HTR7: variants seen among roughly 807,000 people sequenced by gnomAD.
HTR7 encodes the protein 5-hydroxytryptamine receptor 7, also known as 5-HT-7.
In HTR7, 16 loss-of-function variants were observed where a neutral mutation model predicts 34.0. The observed-to-expected ratio is 0.47, with a 90% confidence interval of 0.32 to 0.71. The LOEUF (loss-of-function observed/expected upper bound fraction) is 0.71. Among genes scored for constraint, HTR7 ranks in the 30% least tolerant of loss-of-function variants. The pLI, the probability that HTR7 is intolerant of heterozygous loss-of-function variation, is 0.04. For missense variants in HTR7, 504 were observed against 625.5 expected (o/e 0.81, Z 2.07); for synonymous variants, 265 against 260.2 (o/e 1.02, Z -0.18).
In HTR7 at chr10:90,857,285, C is replaced by G; in HGVS notation, c.387G>C (p.Ser129=). The G allele has an allele frequency of 6.2e-7, 1 of 1,614,174 alleles. No individual in the cohort carries two copies. The change falls in exon 1 of 4, where the codon TCG becomes TCC. Residue 129 remains serine (S), a synonymous_variant. Coordinates refer to ENST00000336152, the MANE Select transcript of HTR7 (RefSeq NM_019859.4). This position sits in a 1 kb window ranked among gnomAD's most constrained non-coding sequence, Gnocchi z 6.5. ...CGAAGGGCATGACCGCCACAGCCAC[C>G]GAGAGGTCGGCCAGCGCCAGGGACA... ...LIVSLALADL[S]VAVAVMPFVS... is the part of the protein sequence containing the mutation.
intron 2 of HTR7, among the ~76,000 whole-genome samples, chr10:90,746,651 GC>G (rs1179002630): frequency 3.9e-5 from 6 of 152,158 alleles, no homozygotes; most frequent in Non-Finnish European, 8.8e-5. Flanking sequence ...AAGACTATAT[GC>G]CAACAAAAAT....
chr10:90,805,281 G>A (rs531893110), intron 1 of HTR7, among the ~76,000 whole-genome samples: 1 of 152,272 alleles, frequency 6.6e-6, no homozygotes, highest in East Asian at 1.9e-4. Flanking sequence ...TATTGTCCCT[G>A]TTCCTTAAAG....
intron 1 of HTR7, among the ~76,000 whole-genome samples, chr10:90,828,103 C>G (rs1846108683): frequency 6.6e-6 from 1 of 152,106 alleles, no homozygotes. Flanking sequence ...ATAATACACT[C>G]CTGAATGACC....
At chr10:90,810,115 G>A (rs1254312435) in intron 1 of HTR7, among the ~76,000 whole-genome samples, 3 of 152,038 alleles carry the variant, frequency 2.0e-5, no homozygotes, top group African/African-American at 7.2e-5. Flanking sequence ...CCCAACTCTG[G>A]TGCCACCTTA....
At chr10:90,849,198 G>A (rs2120118084) in intron 1 of HTR7, among the ~76,000 whole-genome samples, 1 of 152,212 alleles carries the variant, frequency 6.6e-6, no homozygotes, top group East Asian at 1.9e-4. Context: ...AAAATAACAG[G>A]GTCTTAGGGT....
At chr10:90,818,226 T>A (rs573265079) in intron 1 of HTR7, among the ~76,000 whole-genome samples, 1 of 152,158 alleles carries the variant, frequency 6.6e-6, no homozygotes, top group South Asian at 2.1e-4. Context: ...CTGCACTCAT[T>A]AATGTAACAC....
At chr10:90,785,484 C>T (rs1051370970) in intron 1 of HTR7, among the ~76,000 whole-genome samples, 7 of 152,060 alleles carry the variant, frequency 4.6e-5, no homozygotes, top group African/African-American at 1.7e-4. Context: ...TTGATACCTT[C>T]GTAATGTCTG....
chr10:90,848,899 A>C (rs1311989633), intron 1 of HTR7, among the ~76,000 whole-genome samples: 2 of 152,218 alleles, frequency 1.3e-5, no homozygotes, highest in East Asian at 1.9e-4. Flanking sequence ...CAGACTTTTG[A>C]AATCAGAAAC....
intron 1 of HTR7, among the ~76,000 whole-genome samples, chr10:90,769,793 T>G (rs908484249): frequency 9.2e-5 from 14 of 152,194 alleles, no homozygotes; most frequent in Non-Finnish European, 2.1e-4. Context: ...CAAAACCAGT[T>G]GCCAAAATAA....
chr10:90,761,633 CGT>C (rs3981197), intron 1 of HTR7, among the ~76,000 whole-genome samples: 60,430 of 147,090 alleles, frequency 0.41, 12,170 homozygotes, highest in African/African-American at 0.48. Context: ...TGTGTGTATG[CGT>C]GTGTGTGTGT....
At chr10:90,820,396 T>C (rs2120007040) in intron 1 of HTR7, among the ~76,000 whole-genome samples, 1 of 151,952 alleles carries the variant, frequency 6.6e-6, no homozygotes, top group South Asian at 2.1e-4. Flanking sequence ...ATGGGAAGAG[T>C]TGTTGAACAT....
chr10:90,750,219 A>C (rs1844713086), intron 1 of HTR7, among the ~76,000 whole-genome samples: 1 of 152,238 alleles, frequency 6.6e-6, no homozygotes, highest in Non-Finnish European at 1.5e-5. Flanking sequence ...AAATTCTCAC[A>C]CAACAGCAAT....
intron 1 of HTR7, among the ~76,000 whole-genome samples, chr10:90,848,573 T>C (rs151213212): frequency 1.3e-5 from 2 of 152,362 alleles, no homozygotes; most frequent in East Asian, 3.8e-4. Flanking sequence ...ATCTGAAATT[T>C]GATTTAAAAT....
intron 1 of HTR7, among the ~76,000 whole-genome samples, chr10:90,809,640 A>C (rs984471691): frequency 6.6e-6 from 1 of 152,152 alleles, no homozygotes; most frequent in Non-Finnish European, 1.5e-5. Context: ...GAACTTCCAA[A>C]TGCCTGAACC....
intron 1 of HTR7, among the ~76,000 whole-genome samples, chr10:90,814,334 T>C (rs538303707): frequency 1.3e-5 from 2 of 152,330 alleles, no homozygotes; most frequent in South Asian, 2.1e-4. Flanking sequence ...TAGTTCATGA[T>C]AAATGCTGTG....
At chr10:90,756,121 A>G (rs1176147776) in intron 1 of HTR7, among the ~76,000 whole-genome samples, 3 of 152,266 alleles carry the variant, frequency 2.0e-5, no homozygotes, top group Admixed American at 6.5e-5. Flanking sequence ...AAAACAAAAA[A>G]GAACATACTA....
intron 1 of HTR7, among the ~76,000 whole-genome samples, chr10:90,788,342 A>G (rs1845413444): frequency 6.6e-6 from 1 of 152,232 alleles, no homozygotes; most frequent in Admixed American, 6.5e-5. Context: ...ATTACCAAAG[A>G]ACACTTTAAA....
intron 1 of HTR7, among the ~76,000 whole-genome samples, chr10:90,840,373 A>G (rs1248300565): frequency 6.6e-6 from 1 of 152,156 alleles, no homozygotes; most frequent in Non-Finnish European, 1.5e-5. Context: ...TGGGGATAAT[A>G]AAAGTGCCTG....
Position 90,796,245 on chromosome 10 carries a change from G to A in HTR7, c.540-46651C>T, listed in dbSNP as rs114960093. Among the ~76,000 whole-genome samples, 675 of 152,250 alleles carry A rather than the reference G, an allele frequency of 4.4e-3. 6 individuals carry two copies. Among genetic ancestry groups the A allele is most frequent in the African/African-American group, 0.015 (640 of 41,552 alleles). On this transcript the variant is annotated intron_variant, in intron 1 of 3. Coordinates refer to ENST00000336152, the MANE Select transcript of HTR7 (RefSeq NM_019859.4). ...TCAGGATTTTATTTTTGGCTGACAA[G>A]CAATAAATAGATGCAAGATACTGTC...
Sources: allele counts gnomAD v4.1 joint callset (sites outside exome capture counted in the v4.1 genomes callset), GRCh38; gene constraint gnomAD v4.1.1; non-coding constraint Gnocchi (gnomAD v3.1); transcripts MANE v1.5; gene names NCBI Gene and HGNC (gene_info 2026-07-23, HGNC 2026-07-21).